Variants in SBNO2 observed in about 807,000 individuals in gnomAD.
The protein encoded by SBNO2 is strawberry notch homolog 2.
SBNO2 carries 89 observed loss-of-function variants against 146.3 expected under a neutral mutation model. That is an observed-to-expected ratio of 0.61 (90% CI 0.51 to 0.73). SBNO2 has a LOEUF of 0.73. Ranked by LOEUF, SBNO2 falls within the 30% of genes least tolerant of loss-of-function variation. The pLI is 0.00. For missense variants in SBNO2, 2,092 were observed against 2,003.7 expected, an observed-to-expected ratio of 1.04 and a Z score of -0.84; for synonymous variants, 1,147 against 892.6, an observed-to-expected ratio of 1.29 and a Z score of -5.08.
At chr19:1,131,688 G>A (rs1050748488) in intron 4 of SBNO2, among the ~76,000 whole-genome samples, 2 of 152,288 alleles carry the variant, frequency 1.3e-5, no homozygotes, top group Admixed American at 1.3e-4. Flanking sequence ...CCCTCCACCT[G>A]AGGCTTCTCC....
chr19:1,122,738 A>G lies in SBNO2; in HGVS notation c.834T>C (p.Asp278=), dbSNP rs1035008065. 54 of 1,536,898 alleles carry G rather than the reference A, an allele frequency of 3.5e-5. No homozygotes were observed. The highest frequency in any genetic ancestry group is 4.4e-5 in the Non-Finnish European group (51 of 1,146,454). Residue 278 remains aspartate (D), a synonymous_variant, in exon 9 of 32, where the codon GAT becomes GAC. Transcript: ENST00000361757. ...TCCGGCCTTTGCCCACGCCGGCCCC[A>G]TCGCCGATGAGAAAGCCCGCGCGCT... ...SGQRAGFLIG[D]GAGVGKGRTV...
At position 1,119,017 on chromosome 19, in the gene SBNO2, G is replaced by A. The variant is rs1364952371; in HGVS notation, c.1521C>T (p.Ala507=). 12 of 1,593,134 alleles carry A rather than the reference G, an allele frequency of 7.5e-6. No individual in the cohort carries two copies. The highest frequency in any genetic ancestry group is 8.5e-6 in the Non-Finnish European group (10 of 1,171,940). Residue 507 remains alanine, a synonymous_variant, in exon 14 of 32, where the codon GCC becomes GCT. Transcript: ENST00000361757. ...GTCGGGTGCGCAGGCTCACCAGCAG[G>A]GCCGCGCGGTTGTAGACGCACTCGA... ...PAFECVYNRA[A]LLWAEALNVF...
intron 1 of SBNO2, among the ~76,000 whole-genome samples, chr19:1,170,663 C>T (rs1023232044): frequency 5.3e-5 from 8 of 152,188 alleles, no homozygotes; most frequent in Admixed American, 2.0e-4. Flanking sequence ...ACACAACACA[C>T]GCACACATAC....
At chr19:1,147,600 C>G (rs2080205572) in intron 3 of SBNO2, among the ~76,000 whole-genome samples, 180 bp from the exon 4 acceptor site, 1 of 151,964 alleles carries the variant, frequency 6.6e-6, no homozygotes, top group South Asian at 2.1e-4. Context: ...GGGTGGTGGT[C>G]AAGCCTGGGG....
At chr19:1,143,173 C>T (rs1230847423) in intron 4 of SBNO2, among the ~76,000 whole-genome samples, 1 of 152,114 alleles carries the variant, frequency 6.6e-6, no homozygotes, top group Non-Finnish European at 1.5e-5. Flanking sequence ...TGAAAAGCTA[C>T]TGTCAACCTC....
intron 16 of SBNO2, among the ~76,000 whole-genome samples, chr19:1,116,386 A>T (rs1203307257): frequency 1.9e-5 from 2 of 102,812 alleles, no homozygotes; most frequent in Non-Finnish European, 4.0e-5. Flanking sequence ...GGCAGGGGGC[A>T]GGGTGAAGGG....
At chr19:1,113,842 G>C in intron 18 of SBNO2, 138 bp from the exon 19 acceptor site, 1 of 1,152,644 alleles carries the variant, frequency 8.7e-7, no homozygotes, top group East Asian at 3.2e-5. Flanking sequence ...GGGGAAGCCC[G>C]GCACCGTGGC....
At chr19:1,138,509 A>G (rs1020554619) in intron 4 of SBNO2, among the ~76,000 whole-genome samples, 2 of 151,804 alleles carry the variant, frequency 1.3e-5, no homozygotes, top group Non-Finnish European at 2.9e-5. Flanking sequence ...ACCCATACCT[A>G]CTCCTGGGTA....
intron 2 of SBNO2, among the ~76,000 whole-genome samples, chr19:1,153,340 C>T (rs1472095989): frequency 2.0e-5 from 3 of 151,148 alleles, no homozygotes; most frequent in Admixed American, 6.6e-5. Context: ...CAGGTTCAAG[C>T]GATTCTCCTG....
intron 23 of SBNO2, 32 bp downstream of exon 23, chr19:1,111,964 C>T (rs369792078): frequency 1.6e-5 from 25 of 1,588,332 alleles, no homozygotes; most frequent in Non-Finnish European, 2.0e-5. Context: ...CTGCCCCTGC[C>T]CCGCCCCCCA....
chr19:1,139,067 G>A (rs1416123180), intron 4 of SBNO2, among the ~76,000 whole-genome samples: 3 of 152,048 alleles, frequency 2.0e-5, no homozygotes, highest in East Asian at 1.9e-4. Flanking sequence ...TCCTCCACGC[G>A]TCCATCATGA....
intron 4 of SBNO2, among the ~76,000 whole-genome samples, chr19:1,146,290 C>T (rs1263525528): frequency 6.6e-6 from 1 of 152,118 alleles, no homozygotes; most frequent in East Asian, 1.9e-4. Context: ...CTGGCTTTGC[C>T]CCGCTCTGCT....
At chr19:1,153,983 C>A (rs1005373985) in intron 2 of SBNO2, among the ~76,000 whole-genome samples, 4 of 152,220 alleles carry the variant, frequency 2.6e-5, no homozygotes, top group Non-Finnish European at 4.4e-5. Context: ...CCATGAGTAG[C>A]CTCCCATTCA....
chr19:1,115,618 G>A (rs529589842), intron 17 of SBNO2: 95 of 269,660 alleles, frequency 3.5e-4, no homozygotes, highest in African/African-American at 2.0e-3. Context: ...GGGTGCCTGG[G>A]GAGGCCACAC....
Position 1,119,282 on chromosome 19 carries a change from G to A in SBNO2, c.1374-118C>T, listed in dbSNP as rs574751394. 2.6e-4 allele frequency: 321 copies of A among 1,249,728 alleles called. No homozygotes were observed. The African/African-American group carries it at 4.2e-3, about 16-fold the overall frequency. 77.4% of individuals were successfully genotyped at this position (1,249,728 alleles called of 1,614,324 possible). A position where few individuals can be genotyped will look rare whatever the true frequency, so the allele number is the denominator to read the frequency against. On this transcript the variant is annotated intron_variant, in intron 13 of 31. Transcript: ENST00000361757. ...GGGTCGGCAGGAGCAGAGCCCTGGC[G>A]GCCACTGAGGCAGTTGGCAGCTGAG...
chr19:1,122,592 T>TGCCCCCCCCCCCCCCCCCCCCCCC, intron 9 of SBNO2, 34 bp from the exon 10 acceptor site: 1 of 1,455,728 alleles, frequency 6.9e-7, no homozygotes. Flanking sequence ...CGCCCACCCT[T>TGCCCCCCCCCCCCCCCCCCCCCCC]CCCCCTCGCC....
Position 1,116,923 on chromosome 19 carries a change from C to G in SBNO2, c.1708G>C (p.Val570Leu), listed in dbSNP as rs1200708405. The change falls in exon 16 of 32, where the codon GTG becomes CTG. Residue 570 changes from valine to leucine, a missense_variant. Coordinates refer to ENST00000361757, the MANE Select transcript of SBNO2 (RefSeq NM_014963.3). ...AREELARDKC[V>L]VIGLQSTGEA... ...CCCGTGGACTGCAGCCCGATGACCACGCACTGTGGGACGGCAGAGGACTGT... is the reference window on the plus strand; with the variant it reads ...CCCGTGGACTGCAGCCCGATGACCAGGCACTGTGGGACGGCAGAGGACTGT... 6.4e-7 allele frequency: 1 copy of G among 1,556,314 alleles called. No individual in the cohort carries two copies. Among genetic ancestry groups the G allele is most frequent in the Non-Finnish European group, 8.6e-7 (1 of 1,156,648 alleles).
intron 4 of SBNO2, among the ~76,000 whole-genome samples, chr19:1,135,739 C>T (rs1251351831): frequency 1.3e-5 from 2 of 152,172 alleles, no homozygotes; most frequent in South Asian, 4.1e-4. Flanking sequence ...CCCTGCATTA[C>T]AGGGAGGGAA....
chr19:1,121,481 C>T (rs2079900530), intron 11 of SBNO2, among the ~76,000 whole-genome samples: 1 of 152,210 alleles, frequency 6.6e-6, no homozygotes, highest in Non-Finnish European at 1.5e-5. Flanking sequence ...GTGGATGCTG[C>T]AGGCCAACGT....
Sources: allele counts gnomAD v4.1 joint callset (sites outside exome capture counted in the v4.1 genomes callset), GRCh38; gene constraint gnomAD v4.1.1; transcripts MANE v1.5; gene names NCBI Gene and HGNC (gene_info 2026-07-23, HGNC 2026-07-21).